The following MED17 variants were observed in gnomAD, a reference collection of about 807,000 sequenced individuals.
MED17 encodes the protein mediator of RNA polymerase II transcription subunit 17.
In MED17, 49 loss-of-function variants were observed where a neutral mutation model predicts 80.8. The observed-to-expected ratio is 0.61, with a 90% CI of 0.48 to 0.77. The LOEUF (loss-of-function observed/expected upper bound fraction) is 0.77, where lower values mean the gene tolerates loss of function less well. Among genes scored for constraint, MED17 ranks in the 30% least tolerant of loss-of-function variants. The pLI is 0.00. For missense variants in MED17, 718 were observed against 787.0 expected (o/e 0.91, Z 1.05); for synonymous variants, 281 against 280.4 (o/e 1.00, Z -0.02).
chr11:93,808,548 G>A (rs1314568598), intron 10 of MED17: 5 of 147,446 alleles, frequency 3.4e-5, no homozygotes, highest in Non-Finnish European at 6.0e-5. Context: ...ATATAGGGTA[G>A]GTTTTTGAAA....
chr11:93,812,139 A>C lies in MED17; in HGVS notation c.*75A>C. On this transcript the variant is annotated 3_prime_UTR_variant, in exon 12 of 12. Coordinates refer to ENST00000251871, the MANE Select transcript of MED17 (RefSeq NM_004268.5). ...TGTTTGCAGATCAACTATAAGCACA[A>C]AGAAGAGATAACTTCCAAAAGAGTG... is the stretch of plus-strand genomic sequence containing the variant. 8.1e-7 allele frequency: 1 copy of C among 1,236,116 alleles called. No individual in the cohort carries two copies. Among genetic ancestry groups the C allele is most frequent in the Non-Finnish European group, 1.2e-6 (1 of 839,750 alleles). 76.6% of individuals were successfully genotyped at this position (1,236,116 alleles called of 1,614,324 possible). A position where few individuals can be genotyped will look rare whatever the true frequency, so the allele number is the denominator to read the frequency against.
Position 93,796,549 on chromosome 11 carries a change from A to G in MED17, c.1143+9A>G. 6.2e-7 allele frequency: 1 copy of G among 1,614,010 alleles called. No homozygotes were observed. The highest frequency in any genetic ancestry group is 1.7e-5 in the Admixed American group (1 of 60,022). ...ATCTACTGATTAGAGAGGTAAGGAAATAAATGTTTTTCTTTGCGCTGTGGT... is the reference window on the plus strand; with the variant it reads ...ATCTACTGATTAGAGAGGTAAGGAAGTAAATGTTTTTCTTTGCGCTGTGGT... On this transcript the variant is annotated intron_variant, in intron 7 of 11. Coordinates refer to ENST00000251871, the MANE Select transcript of MED17 (RefSeq NM_004268.5).
At chr11:93,797,157 A>T (rs1591386415) in intron 7 of MED17, 1 of 243,256 alleles carries the variant, frequency 4.1e-6, no homozygotes, top group Middle Eastern at 1.6e-3. Context: ...TATGAGACTC[A>T]GTGAAGAGGA....
intron 9 of MED17, among the ~76,000 whole-genome samples, chr11:93,805,616 T>C (rs527396832): frequency 3.0e-4 from 45 of 152,304 alleles, no homozygotes; most frequent in African/African-American, 1.0e-3. Context: ...TTTTAATTAG[T>C]ACTACCAAAT....
Position 93,811,905 on chromosome 11 carries a change from C to T in MED17, c.1797C>T (p.Asn599=). The change falls in exon 12 of 12, where the codon AAC becomes AAT. Residue 599 remains asparagine (N), a synonymous_variant. Coordinates refer to ENST00000251871, the MANE Select transcript of MED17 (RefSeq NM_004268.5). ...GSKIMVQFPR[N]QCKDLPKSDV... is the part of the protein sequence containing the mutation. ...AGATTATGGTTCAGTTTCCTCGTAA[C>T]CAATGTAAAGACCTTCCAAAAAGTG... 1.2e-6 allele frequency: 2 copies of T among 1,613,970 alleles called. No individual in the cohort carries two copies. Among genetic ancestry groups the T allele is most frequent in the Non-Finnish European group, 1.7e-6 (2 of 1,179,982 alleles).
At chr11:93,791,849 GT>G in intron 3 of MED17, among the ~76,000 whole-genome samples, 1 of 152,256 alleles carries the variant, frequency 6.6e-6, no homozygotes, top group South Asian at 2.1e-4. Flanking sequence ...CTGCTCAGCT[GT>G]TTTTATGTCC....
intron 7 of MED17, 117 bp downstream of exon 7, chr11:93,796,657 G>C: frequency 8.4e-7 from 1 of 1,187,508 alleles, no homozygotes; most frequent in Non-Finnish European, 1.2e-6. Flanking sequence ...AACATTCACT[G>C]TCTGATGTGA....
chr11:93,799,509 G>T (rs929487151), intron 8 of MED17, among the ~76,000 whole-genome samples: 1 of 152,152 alleles, frequency 6.6e-6, no homozygotes, highest in Non-Finnish European at 1.5e-5. Context: ...GCTGGGCTTG[G>T]TGTGGTGGCT....
Position 93,793,913 on chromosome 11 carries a change from T to C in MED17, c.775-38T>C, listed in dbSNP as rs757284394. ...GTAATTTCTTACGAATAGCCTGAAG[T>C]TAATTTGTTAACTTTTTTTGTTTTT... On this transcript the variant is annotated intron_variant, in intron 4 of 11. Transcript: ENST00000251871. The C allele has an allele frequency of 1.9e-6, 3 of 1,613,164 alleles. No individual in the cohort carries two copies. The East Asian group carries it at 6.7e-5, about 36-fold the overall frequency.
intron 6 of MED17, 88 bp from the exon 7 acceptor site, chr11:93,796,322 A>G: frequency 1.7e-6 from 2 of 1,205,088 alleles, no homozygotes; most frequent in Non-Finnish European, 2.4e-6. Context: ...TCTTTTGAAA[A>G]TGAACTATGA....
intron 11 of MED17, 173 bp downstream of exon 11, chr11:93,810,049 A>G: frequency 1.5e-6 from 1 of 673,566 alleles, no homozygotes; most frequent in Non-Finnish European, 2.6e-6. Context: ...AGAGATTATT[A>G]TTTCTCTTTC....
chr11:93,784,770 C>T lies in MED17; in HGVS notation c.250+7C>T, dbSNP rs760894077. The T allele has an allele frequency of 5.5e-5, 84 of 1,536,584 alleles. No individual in the cohort carries two copies. The highest frequency in any genetic ancestry group is 1.2e-5 in the South Asian group (1 of 84,114). ...GACCAGGACGACGAGGAAGGTAAGG[C>T]CTGCATCCGCTGCCCGAGTCCCCCG... On this transcript the variant is annotated splice_region_variant and intron_variant, in intron 1 of 11. Transcript: ENST00000251871.
In MED17 at chr11:93,807,499, A is replaced by C; in HGVS notation, c.1467-19A>C. On this transcript the variant is annotated intron_variant, in intron 9 of 11. Transcript: ENST00000251871. ...ATAATTTTGAACATCTCTGATTTTT[A>C]GTATGTGTGTCTATAAAGGTCCATT... The C allele has an allele frequency of 7.8e-7, 1 of 1,281,192 alleles. No homozygotes were observed. The allele number at this position is 1,281,192 out of a possible 1,614,324, so 79.4% of individuals were successfully genotyped here. A position where few individuals can be genotyped will look rare whatever the true frequency, so the allele number is the denominator to read the frequency against.
At chr11:93,805,574 C>G (rs775888098) in intron 9 of MED17, among the ~76,000 whole-genome samples, 51 of 151,784 alleles carry the variant, frequency 3.4e-4, no homozygotes, top group Non-Finnish European at 6.3e-4. Flanking sequence ...GAGTGAGATC[C>G]TGTCTCAAAA....
chr11:93,789,217 A>T (rs1943805459), intron 2 of MED17: 1 of 152,252 alleles, frequency 6.6e-6, no homozygotes, highest in African/African-American at 2.4e-5. Flanking sequence ...TAGTTTCAGA[A>T]TCTAGAAACA....
chr11:93,790,447 A>C, intron 2 of MED17, 127 bp from the exon 3 acceptor site: 2 of 794,052 alleles, frequency 2.5e-6, no homozygotes, highest in South Asian at 3.1e-5. Flanking sequence ...TTTATTAAAA[A>C]CACTGTTATG....
intron 8 of MED17, 91 bp downstream of exon 8, chr11:93,797,810 T>C: frequency 1.6e-6 from 2 of 1,237,740 alleles, no homozygotes; most frequent in Non-Finnish European, 2.3e-6. Flanking sequence ...TGGGATGCTT[T>C]TGACTTTTTT....
intron 10 of MED17, 179 bp downstream of exon 10, chr11:93,807,814 A>T (rs1410990574): frequency 1.6e-6 from 1 of 632,282 alleles, no homozygotes. Context: ...GGTTAACTGG[A>T]AGTACTGATA....
At chr11:93,796,649 C>G in intron 7 of MED17, 109 bp downstream of exon 7, 1 of 1,223,382 alleles carries the variant, frequency 8.2e-7, no homozygotes, top group Non-Finnish European at 1.2e-6. Flanking sequence ...ATAGCAACAA[C>G]ATTCACTGTC....
Sources: allele counts gnomAD v4.1 joint callset (sites outside exome capture counted in the v4.1 genomes callset), GRCh38; gene constraint gnomAD v4.1.1; transcripts MANE v1.5; gene names NCBI Gene and HGNC (gene_info 2026-07-23, HGNC 2026-07-21).